GRIK4: variants seen among roughly 807,000 people sequenced by gnomAD.
The protein encoded by GRIK4 is glutamate receptor ionotropic, kainate 4.
Under a neutral mutation model 104.9 loss-of-function variants are expected in GRIK4, and 40 were observed. The observed-to-expected ratio is 0.38, with a 90% confidence interval of 0.30 to 0.50. The LOEUF is 0.50. Among genes scored for constraint, GRIK4 ranks in the 20% least tolerant of loss-of-function variants. The pLI is 0.93. For missense variants in GRIK4, 1,047 were observed against 1,308.1 expected (o/e 0.80, Z 3.08); for synonymous variants, 485 against 524.9 (o/e 0.92, Z 1.04).
At chr11:120,942,545 C>T (rs977966856) in intron 14 of GRIK4, among the ~76,000 whole-genome samples, 13 of 152,134 alleles carry the variant, frequency 8.5e-5, no homozygotes, top group Admixed American at 3.9e-4. Context: ...GCAGAAGGTA[C>T]CTGACCCCAA....
chr11:120,643,660 G>T (rs1396646656), intron 1 of GRIK4, among the ~76,000 whole-genome samples: 1 of 152,230 alleles, frequency 6.6e-6, no homozygotes, highest in East Asian at 1.9e-4. Flanking sequence ...TTAGCTTTGT[G>T]ATCCTTGGCA....
intron 3 of GRIK4, among the ~76,000 whole-genome samples, chr11:120,714,988 G>A (rs1950801823): frequency 1.3e-5 from 2 of 151,938 alleles, no homozygotes; most frequent in Non-Finnish European, 2.9e-5. Context: ...ATGCATGGGA[G>A]GAAGCAGGTG....
At chr11:120,529,297 C>T (rs1054556774) in intron 1 of GRIK4, among the ~76,000 whole-genome samples, 7 of 152,200 alleles carry the variant, frequency 4.6e-5, no homozygotes, top group African/African-American at 1.7e-4. Context: ...GTCTGGCTTA[C>T]AGGAGGATCT....
chr11:120,942,365 A>G (rs1943746324), intron 14 of GRIK4, among the ~76,000 whole-genome samples: 1 of 151,940 alleles, frequency 6.6e-6, no homozygotes, highest in African/African-American at 2.4e-5. Flanking sequence ...CCCCACATTG[A>G]CCCCTGGAGT....
chr11:120,973,296 A>T (rs1189136757), intron 19 of GRIK4, among the ~76,000 whole-genome samples: 1 of 152,140 alleles, frequency 6.6e-6, no homozygotes, highest in African/African-American at 2.4e-5. Flanking sequence ...GGGAGAAGGG[A>T]GGCAGAAAGG....
intron 3 of GRIK4, among the ~76,000 whole-genome samples, chr11:120,747,758 C>A (rs961233769): frequency 6.6e-6 from 1 of 152,166 alleles, no homozygotes; most frequent in African/African-American, 2.4e-5. Flanking sequence ...ACATTATTGT[C>A]AAATAATTTT....
intron 9 of GRIK4, among the ~76,000 whole-genome samples, chr11:120,867,409 C>G (rs1954451043): frequency 6.6e-6 from 1 of 152,154 alleles, no homozygotes; most frequent in South Asian, 2.1e-4. Context: ...AGCTGCAGCT[C>G]CAGCCTCATG....
intron 19 of GRIK4, among the ~76,000 whole-genome samples, chr11:120,978,299 A>G (rs78183915): frequency 0.034 from 5,182 of 152,284 alleles, 297 homozygotes; most frequent in African/African-American, 0.12. Context: ...GTAAAACACA[A>G]AAGTAGTATA....
At chr11:120,787,531 C>T (rs1952306207) in intron 3 of GRIK4, among the ~76,000 whole-genome samples, 1 of 151,632 alleles carries the variant, frequency 6.6e-6, no homozygotes, top group African/African-American at 2.4e-5. Context: ...GTGGCACGAT[C>T]TCGGCTCGCT....
chr11:120,674,831 C>A (rs553891875), intron 3 of GRIK4, among the ~76,000 whole-genome samples: 1 of 152,314 alleles, frequency 6.6e-6, no homozygotes, highest in Admixed American at 6.5e-5. Context: ...CAAGGGGGCA[C>A]CAACCACAAG....
chr11:120,579,184 T>C (rs1483594469), intron 1 of GRIK4, among the ~76,000 whole-genome samples: 1 of 151,162 alleles, frequency 6.6e-6, no homozygotes, highest in Non-Finnish European at 1.5e-5. Flanking sequence ...CAGCCAGCCA[T>C]AAACAAGGAT....
At position 120,985,995 on chromosome 11, in the gene GRIK4, CG is replaced by C. The variant is rs1944738629; in HGVS notation, c.2607del (p.Pro870ArgfsTer185). On this transcript the variant is annotated frameshift_variant, in exon 21 of 21. Transcript: ENST00000527524. LOFTEE classifies it high-confidence loss of function. ...CCCCGCCGGCGGCGCGCCGCAGTCC[CG>C]CCGCCCCGGCCCCCCATCCCCGAGG... Reference protein sequence around the residue: ...IHPRRRRAAVPPPRPPIPEER... With the variant: ...IHPRRRRAAVXPPRPPIPEER... 6.5e-7 allele frequency: 1 copy of C among 1,531,070 alleles called. No individual in the cohort carries two copies. The highest frequency in any genetic ancestry group is 1.4e-5 in the African/African-American group (1 of 70,196). 94.8% of individuals were successfully genotyped at this position (1,531,070 alleles called of 1,614,324 possible).
At chr11:120,784,047 A>G (rs553153219) in intron 3 of GRIK4, among the ~76,000 whole-genome samples, 34 of 152,314 alleles carry the variant, frequency 2.2e-4, no homozygotes, top group Middle Eastern at 6.8e-3. Context: ...GGCCTCCACC[A>G]GGAGGTACTC....
intron 15 of GRIK4, among the ~76,000 whole-genome samples, chr11:120,954,098 G>A (rs887498506): frequency 2.2e-4 from 34 of 152,228 alleles, no homozygotes; most frequent in African/African-American, 8.2e-4. Flanking sequence ...ACTTGGGGAT[G>A]GAGCTGCCGC....
chr11:120,874,004 C>T (rs1954689075), intron 9 of GRIK4, 62 bp from the exon 10 acceptor site: 5 of 1,429,494 alleles, frequency 3.5e-6, no homozygotes, highest in Non-Finnish European at 4.8e-6. Context: ...TTCTCCCTCC[C>T]CTCCCTTTCT....
intron 3 of GRIK4, among the ~76,000 whole-genome samples, chr11:120,740,140 T>C (rs1042600983): frequency 3.9e-5 from 6 of 152,066 alleles, no homozygotes; most frequent in Non-Finnish European, 7.4e-5. Context: ...TAGGTGTAGA[T>C]TGACTCTCCT....
intron 9 of GRIK4, among the ~76,000 whole-genome samples, chr11:120,864,148 G>GAC (rs1175373448): frequency 6.6e-5 from 10 of 152,104 alleles, no homozygotes; most frequent in African/African-American, 2.2e-4. Context: ...AGCAATGCAA[G>GAC]CCCTGTTCTC....
intron 3 of GRIK4, among the ~76,000 whole-genome samples, chr11:120,730,476 G>A (rs138397669): frequency 4.4e-4 from 67 of 152,282 alleles, no homozygotes; most frequent in African/African-American, 1.5e-3. Flanking sequence ...TTTTGGTACT[G>A]TAGCTCTTTG....
intron 20 of GRIK4, among the ~76,000 whole-genome samples, chr11:120,984,337 G>A (rs548406553): frequency 1.0e-3 from 153 of 152,348 alleles, no homozygotes; most frequent in African/African-American, 3.6e-3. Context: ...AACAGAGCAT[G>A]TACAGGCTTG....
Sources: gnomAD v4.1 joint callset for allele counts (sites outside exome capture counted in the v4.1 genomes callset) on GRCh38, gnomAD v4.1.1 for gene constraint, MANE v1.5 for transcripts, NCBI Gene and HGNC (gene_info 2026-07-23, HGNC 2026-07-21) for gene names.